Variants in ATG7 observed in about 807,000 individuals in gnomAD.
The protein encoded by ATG7 is autophagy related 7.
In ATG7, 70 loss-of-function variants were observed where a neutral mutation model predicts 82.4. The observed-to-expected ratio is 0.85, with a 90% CI of 0.70 to 1.04. The LOEUF is 1.04. ATG7 is among the 50% of genes least tolerant of loss of function. The pLI is 0.00. For missense variants in ATG7, 792 were observed against 864.3 expected, an observed-to-expected ratio of 0.92 and a Z score of 1.05; for synonymous variants, 287 against 313.0, an observed-to-expected ratio of 0.92 and a Z score of 0.88.
At chr3:11,483,155 C>T (rs573379461) in intron 20 of ATG7, among the ~76,000 whole-genome samples, 6 of 152,190 alleles carry the variant, frequency 3.9e-5, no homozygotes, top group Admixed American at 3.3e-4. Context: ...GCTCTCCTTG[C>T]CCCTCACATT....
the ATG7 span, among the ~76,000 whole-genome samples, chr3:11,572,824 G>A: frequency 3.9e-5 from 6 of 152,166 alleles, no homozygotes; most frequent in African/African-American, 7.2e-5. Flanking sequence ...ATATGTACCC[G>A]TTCCTTTATG....
intron 20 of ATG7, among the ~76,000 whole-genome samples, chr3:11,481,834 G>T (rs766117758): frequency 6.6e-6 from 1 of 152,166 alleles, no homozygotes; most frequent in Non-Finnish European, 1.5e-5. Flanking sequence ...TTTGTGGACC[G>T]CAGTTTATTT....
intron 14 of ATG7, 188 bp downstream of exon 14, chr3:11,348,223 G>GA: frequency 1.3e-6 from 1 of 742,144 alleles, no homozygotes; most frequent in Non-Finnish European, 2.1e-6. Flanking sequence ...GGTCAGGCAT[G>GA]GTGGCTCATA....
intron 20 of ATG7, 103 bp from the exon 21 acceptor site, chr3:11,554,708 C>G: frequency 1.4e-6 from 2 of 1,382,804 alleles, no homozygotes; most frequent in South Asian, 1.3e-5. Flanking sequence ...GGGAGTGGTT[C>G]TGCAGGTGGG....
At chr3:11,471,519 T>C (rs1026989205) in intron 20 of ATG7, among the ~76,000 whole-genome samples, 1 of 152,144 alleles carries the variant, frequency 6.6e-6, no homozygotes, top group Non-Finnish European at 1.5e-5. Context: ...ATTTTGCAGA[T>C]GAAAATAAGA....
chr3:11,412,330 T>G (rs144996259), intron 19 of ATG7, among the ~76,000 whole-genome samples: 3 of 151,078 alleles, frequency 2.0e-5, no homozygotes, highest in Non-Finnish European at 4.4e-5. Context: ...AAAACAAATA[T>G]GAGTTTCAAG....
At chr3:11,462,865 ATTTATTTATT>A (rs2086466813) in intron 20 of ATG7, among the ~76,000 whole-genome samples, 1 of 144,092 alleles carries the variant, frequency 6.9e-6, no homozygotes, top group Admixed American at 6.9e-5. Context: ...TTATTTATTT[ATTTATTTATT>A]TATTTATTTA....
chr3:11,275,226 C>CT (rs1488428997), intron 1 of ATG7, among the ~76,000 whole-genome samples: 1 of 152,054 alleles, frequency 6.6e-6, no homozygotes, highest in Non-Finnish European at 1.5e-5. Context: ...TAACAAAATT[C>CT]TTTGACTAGT....
rs766157655 is a variant in ATG7 at position 11,475,907 on chromosome 3, A to ACAC, written c.2079+48982_2079+48983insACC. 3.0e-4 allele frequency among the ~76,000 whole-genome samples: 44 copies of ACAC among 146,336 alleles called. 2 individuals are homozygous for ACAC. In the Middle Eastern group the frequency reaches 0.021, roughly 70 times the overall value. The stretch of plus-strand genomic sequence containing the variant: ...CACACACACACACACACACACACAC[A>ACAC]CCCCCTCCCAGAGTCCGAGCATTCT... On this transcript the variant is annotated intron_variant, in intron 20 of 20. Coordinates refer to ENST00000693202, the MANE Select transcript of ATG7 (RefSeq NM_001349232.2).
intron 19 of ATG7, among the ~76,000 whole-genome samples, chr3:11,384,944 C>A (rs1415376430): frequency 6.6e-6 from 1 of 152,140 alleles, no homozygotes; most frequent in Non-Finnish European, 1.5e-5. Flanking sequence ...CTCTGTCATG[C>A]CCATGCCCCA....
chr3:11,470,008 A>AAAAAAAAAAG lies in ATG7; in HGVS notation c.2079+43083_2079+43084insAAAAAAAAGA, dbSNP rs1399975005. On this transcript the variant is annotated intron_variant, in intron 20 of 20. Transcript: ENST00000693202. ...CATCTCAAAAAAAAAAAAAAAAAAA[A>AAAAAAAAAAG]AGAGAGAGAGAGATGGTGTACTGGG... 2.0e-4 allele frequency among the ~76,000 whole-genome samples: 28 copies of AAAAAAAAAAG among 141,088 alleles called. 1 individual carries two copies. Among genetic ancestry groups the AAAAAAAAAAG allele is most frequent in the African/African-American group, 7.2e-4 (27 of 37,356 alleles). The allele number at this position is 141,088 out of a possible 152,430, so 92.6% of individuals were successfully genotyped here. A position where few individuals can be genotyped will look rare whatever the true frequency, so the allele number is the denominator to read the frequency against.
chr3:11,444,500 CT>C (rs1391639058), intron 20 of ATG7, among the ~76,000 whole-genome samples: 5 of 152,132 alleles, frequency 3.3e-5, no homozygotes, highest in Admixed American at 2.0e-4. Flanking sequence ...ATATCACCCT[CT>C]TTGTGAAGGC....
At chr3:11,569,840 C>T in the ATG7 span, among the ~76,000 whole-genome samples, 1 of 152,172 alleles carries the variant, frequency 6.6e-6, no homozygotes, top group Non-Finnish European at 1.5e-5. Flanking sequence ...ATGGTCACGC[C>T]ACTGCACTTT....
chr3:11,395,864 G>A (rs1034280991), intron 19 of ATG7, among the ~76,000 whole-genome samples: 10 of 146,672 alleles, frequency 6.8e-5, no homozygotes, highest in Admixed American at 4.2e-4. Context: ...GGCGTGAACC[G>A]AGGAGGCGGA....
intron 20 of ATG7, among the ~76,000 whole-genome samples, chr3:11,443,868 A>G (rs2084246636): frequency 6.6e-6 from 1 of 152,224 alleles, no homozygotes; most frequent in Non-Finnish European, 1.5e-5. Context: ...AACATTTTAT[A>G]TAGAGAACAA....
intron 11 of ATG7, among the ~76,000 whole-genome samples, chr3:11,337,109 G>A (rs752222353): frequency 2.0e-5 from 3 of 152,060 alleles, no homozygotes; most frequent in African/African-American, 7.3e-5. Flanking sequence ...GTTTTTTCTT[G>A]TGCTGCTCCT....
At chr3:11,368,950 G>C (rs978537826) in intron 18 of ATG7, among the ~76,000 whole-genome samples, 1 of 150,694 alleles carries the variant, frequency 6.6e-6, no homozygotes, top group Non-Finnish European at 1.5e-5. Flanking sequence ...CCAACCCCAG[G>C]GTTTTCTCAG....
At chr3:11,552,408 C>G (rs1271324971) in intron 20 of ATG7, among the ~76,000 whole-genome samples, 1 of 152,158 alleles carries the variant, frequency 6.6e-6, no homozygotes, top group African/African-American at 2.4e-5. Flanking sequence ...AGAGGACATT[C>G]ACTGTGCCCC....
Position 11,489,624 on chromosome 3 carries a change from A to T in ATG7, c.2079+62698A>T, listed in dbSNP as rs1306230347. 1.2e-4 allele frequency among the ~76,000 whole-genome samples: 17 copies of T among 142,246 alleles called. No individual in the cohort carries two copies. The Admixed American group carries it at 1.2e-3, about 10-fold the overall frequency. The allele number at this position is 142,246 out of a possible 152,430, so 93.3% of individuals were successfully genotyped here. On this transcript the variant is annotated intron_variant, in intron 20 of 20. Transcript: ENST00000693202. ...CTCTTGTGGGCATTTAGTGCTATAAATTTCCCTCTACACACTGCTTTGAAT... is the reference window on the plus strand; with the variant it reads ...CTCTTGTGGGCATTTAGTGCTATAATTTTCCCTCTACACACTGCTTTGAAT...
Sources: allele counts gnomAD v4.1 joint callset (sites outside exome capture counted in the v4.1 genomes callset), GRCh38; gene constraint gnomAD v4.1.1; transcripts MANE v1.5; gene names NCBI Gene and HGNC (gene_info 2026-07-23, HGNC 2026-07-21).